Variants in PPM1K observed in about 807,000 individuals in gnomAD.
PPM1K encodes protein phosphatase, Mg2+/Mn2+ dependent 1K, also known as protein phosphatase Mn(2+)-dependent 1K.
PPM1K carries 19 observed loss-of-function variants against 32.6 expected under a neutral mutation model. The observed-to-expected ratio is 0.58, with a 90% CI of 0.41 to 0.86. The LOEUF is 0.86. Among genes scored for constraint, PPM1K ranks in the 40% least tolerant of loss-of-function variants. The pLI, the probability that PPM1K is intolerant of heterozygous loss-of-function variation, is 0.00. For missense variants in PPM1K, 362 were observed against 461.2 expected (o/e 0.78, Z 1.97); for synonymous variants, 159 against 165.3 (o/e 0.96, Z 0.29).
intron 2 of PPM1K, chr4:88,277,788 A>G (rs1049966713): frequency 7.4e-6 from 2 of 269,294 alleles, no homozygotes; most frequent in Non-Finnish European, 1.4e-5. Context: ...TATTCACACC[A>G]CTTGAAAGAG....
chr4:88,262,736 T>C lies in PPM1K; in HGVS notation c.988-10A>G, dbSNP rs1338506543. ...TACCGTACTGTATTGCCTGCAAGGT[T>C]TGGCAGGAAGAAAGAGAAAAACATT... On this transcript the variant is annotated splice_polypyrimidine_tract_variant and intron_variant, in intron 6 of 6. Coordinates refer to ENST00000608933, the MANE Select transcript of PPM1K (RefSeq NM_152542.5). 3.1e-6 allele frequency: 5 copies of C among 1,590,932 alleles called. No homozygotes were observed. The highest frequency in any genetic ancestry group is 1.2e-5 in the South Asian group (1 of 86,318).
At position 88,278,135 on chromosome 4, in the gene PPM1K, T is replaced by C; in HGVS notation, c.440+9A>G. 6.2e-7 allele frequency: 1 copy of C among 1,603,726 alleles called. No individual in the cohort carries two copies. The highest frequency in any genetic ancestry group is 8.5e-7 in the Non-Finnish European group (1 of 1,172,050). On this transcript the variant is annotated intron_variant, in intron 2 of 6. Coordinates refer to ENST00000608933, the MANE Select transcript of PPM1K (RefSeq NM_152542.5). This position sits in a 1 kb window ranked among gnomAD's most constrained non-coding sequence, Gnocchi z 4.2. ...CTGCAAAGTCAGGAGTGAAAGTCAT[T>C]GTACATACATAATACATTTCTCCAT...
chr4:88,277,610 C>T (rs1731835455), intron 2 of PPM1K: 1 of 201,078 alleles, frequency 5.0e-6, no homozygotes, highest in Admixed American at 5.4e-5. Flanking sequence ...GTAACTCCAT[C>T]ACATGTTCTC....
chr4:88,268,334 C>A lies in PPM1K; in HGVS notation c.708G>T (p.Arg236Ser). The A allele has an allele frequency of 6.2e-7, 1 of 1,614,160 alleles. No individual in the cohort carries two copies. The highest frequency in any genetic ancestry group is 8.5e-7 in the Non-Finnish European group (1 of 1,180,034). The change falls in exon 5 of 7, where the codon AGG becomes AGT. Residue 236 changes from arginine to serine, a missense_variant and splice_region_variant. Arg to Ser is a moderately radical substitution (Grantham distance 110). Transcript: ENST00000608933. ...HTPERKDEKERIKKCGGFVAW... is the reference protein window; with the variant it reads ...HTPERKDEKESIKKCGGFVAW... ...CTACAAAACCACCACATTTCTTGAT[C>A]CTGTTAAAAGTTAAATGACAATGGT...
intron 1 of PPM1K, among the ~76,000 whole-genome samples, chr4:88,283,268 C>T (rs1732089466): frequency 6.6e-6 from 1 of 152,212 alleles, no homozygotes; most frequent in Non-Finnish European, 1.5e-5. Context: ...CATGCCACCA[C>T]GCCCGGGTAA....
At chr4:88,275,676 A>G in intron 3 of PPM1K, 1 of 981,330 alleles carries the variant, frequency 1.0e-6, no homozygotes, top group Non-Finnish European at 1.2e-6. Flanking sequence ...CCGACACTAC[A>G]GTCAACAAAC....
At chr4:88,265,316 T>C (rs1578311723) in intron 5 of PPM1K, among the ~76,000 whole-genome samples, 181 bp from the exon 6 acceptor site, 1 of 152,226 alleles carries the variant, frequency 6.6e-6, no homozygotes. Context: ...ATAATTCCCA[T>C]GTGTTGTGGG....
rs1045869534 is a variant in PPM1K, at chr4:88,259,808, T to C, written c.*2787A>G. 2.0e-5 allele frequency: 3 copies of C among 152,074 alleles called. No individual in the cohort carries two copies. The highest frequency in any genetic ancestry group is 4.4e-5 in the Non-Finnish European group (3 of 68,030). The allele number at this position is 152,074 out of a possible 1,614,324, so 9.4% of individuals were successfully genotyped here. A position where few individuals can be genotyped will look rare whatever the true frequency, so the allele number is the denominator to read the frequency against. ...TACCCTATATCCCCATCCTATAAAT[T>C]CCTCTTTGTCGAACCTGGCAATCTC... On this transcript the variant is annotated 3_prime_UTR_variant, in exon 7 of 7. Coordinates refer to ENST00000608933, the MANE Select transcript of PPM1K (RefSeq NM_152542.5).
At chr4:88,265,169 C>A (rs778211958) in intron 5 of PPM1K, 34 bp from the exon 6 acceptor site, 17 of 1,612,928 alleles carry the variant, frequency 1.1e-5, no homozygotes, top group Non-Finnish European at 1.2e-5. Context: ...TGATTATAAG[C>A]TAGACTCTGC....
chr4:88,272,388 T>C (rs1731598322), intron 3 of PPM1K, among the ~76,000 whole-genome samples: 1 of 152,236 alleles, frequency 6.6e-6, no homozygotes, highest in African/African-American at 2.4e-5. Flanking sequence ...ATGCCATCAA[T>C]GTCCCCCACT....
Position 88,258,149 on chromosome 4 carries a change from T to A in PPM1K, c.*4446A>T, listed in dbSNP as rs538027728. 6.6e-6 allele frequency: 1 copy of A among 152,194 alleles called. No individual in the cohort carries two copies. Among genetic ancestry groups the A allele is most frequent in the African/African-American group, 2.4e-5 (1 of 41,448 alleles). 9.4% of individuals were successfully genotyped at this position (152,194 alleles called of 1,614,324 possible). A position where few individuals can be genotyped will look rare whatever the true frequency, so the allele number is the denominator to read the frequency against. Reference sequence around the variant, plus strand: ...CCAACAAAATTCTCATGTCACTTTTTACAGACATGGGTATATGAGAACCAT... The same window carrying A: ...CCAACAAAATTCTCATGTCACTTTTAACAGACATGGGTATATGAGAACCAT... On this transcript the variant is annotated 3_prime_UTR_variant, in exon 7 of 7. Transcript: ENST00000608933.
intron 1 of PPM1K, among the ~76,000 whole-genome samples, chr4:88,281,475 G>A (rs1732002004): frequency 6.6e-6 from 1 of 152,132 alleles, no homozygotes; most frequent in Non-Finnish European, 1.5e-5. Flanking sequence ...AGCAGTTTCT[G>A]TAAGGCTAAA....
intron 2 of PPM1K, chr4:88,277,901 A>G (rs1200924197): frequency 5.4e-6 from 3 of 551,588 alleles, no homozygotes; most frequent in Non-Finnish European, 3.2e-6. Context: ...TAAAATGATC[A>G]CAAATTAAGT....
At chr4:88,262,752 G>C in intron 6 of PPM1K, 26 bp from the exon 7 acceptor site, 1 of 1,581,790 alleles carries the variant, frequency 6.3e-7, no homozygotes, top group Middle Eastern at 1.7e-4. Flanking sequence ...GGAAGAAAGA[G>C]AAAAACATTG....
At chr4:88,269,011 A>T in intron 3 of PPM1K, 105 bp from the exon 4 acceptor site, 1 of 933,862 alleles carries the variant, frequency 1.1e-6, no homozygotes. Flanking sequence ...CTAATGCTGG[A>T]ATATATCATT....
rs374460251 is a variant in PPM1K at position 88,264,992 on chromosome 4, C to T, written c.987+9G>A. On this transcript the variant is annotated intron_variant, in intron 6 of 6. Transcript: ENST00000608933. ...CCTTGGGACTTTTCAGGCAGAAGCT[C>T]TGGGTCACCTGTTCAGTCACCGCAT... 1 of 1,613,784 alleles carries T rather than the reference C, an allele frequency of 6.2e-7. No individual in the cohort carries two copies. The highest frequency in any genetic ancestry group is 1.7e-5 in the Admixed American group (1 of 59,984).
intron 1 of PPM1K, among the ~76,000 whole-genome samples, chr4:88,283,241 G>T (rs112063963): frequency 7.9e-5 from 12 of 152,238 alleles, no homozygotes; most frequent in African/African-American, 2.6e-4. Context: ...CAGCCTCCGG[G>T]GCTGGGACCA....
chr4:88,267,033 ATGC>A (rs1041782758), intron 5 of PPM1K, among the ~76,000 whole-genome samples: 5 of 135,428 alleles, frequency 3.7e-5, no homozygotes, highest in Non-Finnish European at 6.2e-5. Context: ...GGTGCAGGTG[ATGC>A]TGGCTGACTG....
At chr4:88,269,378 T>G (rs1444068622) in intron 3 of PPM1K, among the ~76,000 whole-genome samples, 1 of 152,204 alleles carries the variant, frequency 6.6e-6, no homozygotes, top group Non-Finnish European at 1.5e-5. Flanking sequence ...TTCACTCCTA[T>G]GCTGTGAACA....
Sources: gnomAD v4.1 joint callset for allele counts (sites outside exome capture counted in the v4.1 genomes callset) on GRCh38, gnomAD v4.1.1 for gene constraint, Gnocchi (gnomAD v3.1) non-coding constraint, MANE v1.5 for transcripts, NCBI Gene and HGNC (gene_info 2026-07-23, HGNC 2026-07-21) for gene names.